The following ATP11B variants were observed in gnomAD, a reference collection of about 807,000 sequenced individuals.
The protein encoded by ATP11B is ATPase phospholipid transporting 11B (putative).
ATP11B carries 81 observed loss-of-function variants against 157.8 expected under a neutral mutation model. The ratio of observed to expected loss-of-function variants is 0.51; its 90% CI spans 0.43 to 0.62. ATP11B has a LOEUF of 0.62. ATP11B is among the 20% of genes least tolerant of loss of function. The pLI, the probability that ATP11B is intolerant of heterozygous loss-of-function variation, is 0.00. For synonymous variants in ATP11B, 451 were observed against 469.4 expected (o/e 0.96, Z 0.51); for missense variants, 1,165 against 1,402.2 (o/e 0.83, Z 2.70).
intron 21 of ATP11B, among the ~76,000 whole-genome samples, chr3:182,882,747 A>G (rs1184491518): frequency 1.3e-5 from 2 of 152,220 alleles, no homozygotes; most frequent in African/African-American, 4.8e-5. Context: ...TTTTAAAAAC[A>G]AAGGACAAAC....
In ATP11B at chr3:182,918,061, G is replaced by C; in HGVS notation, c.3491G>C (p.Arg1164Thr). Residue 1164 changes from arginine to threonine, a missense_variant, in exon 30 of 30, where the codon AGG becomes ACG. By Grantham distance (71) the Arg-to-Thr change is moderately conservative. Coordinates refer to ENST00000323116, the MANE Select transcript of ATP11B (RefSeq NM_014616.3). Reference sequence around the variant, plus strand: ...TCGGATCCTTTCTATACCAACGACAGGAGCATCTTGACTCTCTCCACAATG... The same window carrying C: ...TCGGATCCTTTCTATACCAACGACACGAGCATCTTGACTCTCTCCACAATG... ...SASDPFYTND[R>T]SILTLSTMDS... 3 of 1,613,260 alleles carry C rather than the reference G, an allele frequency of 1.9e-6. No homozygotes were observed. Among genetic ancestry groups the C allele is most frequent in the Non-Finnish European group, 2.5e-6 (3 of 1,179,476 alleles).
chr3:182,797,513 G>C (rs1291005409), intron 1 of ATP11B, among the ~76,000 whole-genome samples: 1 of 152,114 alleles, frequency 6.6e-6, no homozygotes, highest in Non-Finnish European at 1.5e-5. Context: ...TTCGAGACCA[G>C]CCTGGCCAAC....
At chr3:182,912,316 G>T (rs1259330211) in intron 28 of ATP11B, among the ~76,000 whole-genome samples, 1 of 152,074 alleles carries the variant, frequency 6.6e-6, no homozygotes, top group Non-Finnish European at 1.5e-5. Context: ...GAAAATGAGT[G>T]GAGAATTATG....
intron 4 of ATP11B, among the ~76,000 whole-genome samples, chr3:182,834,622 T>A (rs1352681176): frequency 6.6e-6 from 1 of 152,250 alleles, no homozygotes; most frequent in Non-Finnish European, 1.5e-5. Flanking sequence ...ATCTCTGAGT[T>A]CTTGAATTTT....
chr3:182,844,415 C>A, intron 8 of ATP11B: 1 of 287,690 alleles, frequency 3.5e-6, no homozygotes, highest in Non-Finnish European at 5.2e-6. Context: ...ATGCATATTT[C>A]AGAAAACTAT....
At chr3:182,808,645 G>T (rs1048893590) in intron 1 of ATP11B, among the ~76,000 whole-genome samples, 5 of 152,070 alleles carry the variant, frequency 3.3e-5, no homozygotes, top group African/African-American at 1.2e-4. Context: ...ATGGCAAAAT[G>T]AGAAAAATGA....
chr3:182,814,447 C>T (rs1189065995), intron 1 of ATP11B, among the ~76,000 whole-genome samples: 1 of 152,062 alleles, frequency 6.6e-6, no homozygotes, highest in Non-Finnish European at 1.5e-5. Flanking sequence ...GAATTTAATC[C>T]ATTGAGTAAA....
intron 7 of ATP11B, among the ~76,000 whole-genome samples, chr3:182,840,679 TCTC>T (rs1377040010): frequency 6.6e-6 from 1 of 152,064 alleles, no homozygotes; most frequent in East Asian, 1.9e-4. Context: ...ACTCCTCACA[TCTC>T]CTCTCCCTTC....
Position 182,829,546 on chromosome 3 carries a change from A to G in ATP11B, c.235-126A>G. ...GTCTTCCAACCCCACATAATAGCCA[A>G]CAAAGTGAAGTTGTGAAATCGTGAA... On this transcript the variant is annotated intron_variant, in intron 3 of 29. Transcript: ENST00000323116. 4.3e-6 allele frequency: 3 copies of G among 699,464 alleles called. 1 individual carries two copies. Among genetic ancestry groups the G allele is most frequent in the Non-Finnish European group, 7.2e-6 (3 of 414,962 alleles). 43.3% of individuals were successfully genotyped at this position (699,464 alleles called of 1,614,324 possible).
At chr3:182,835,607 G>A (rs1318556136) in intron 4 of ATP11B, among the ~76,000 whole-genome samples, 1 of 152,058 alleles carries the variant, frequency 6.6e-6, no homozygotes, top group Non-Finnish European at 1.5e-5. Context: ...TCAAAATTGA[G>A]ATATTAATAA....
At chr3:182,903,242 A>G (rs964980178) in intron 28 of ATP11B, among the ~76,000 whole-genome samples, 1 of 152,188 alleles carries the variant, frequency 6.6e-6, no homozygotes, top group Non-Finnish European at 1.5e-5. Context: ...GGGGAAAAGT[A>G]ATATAAGTTA....
intron 25 of ATP11B, among the ~76,000 whole-genome samples, chr3:182,893,288 G>A (rs1723297155): frequency 6.6e-6 from 1 of 151,648 alleles, no homozygotes; most frequent in Non-Finnish European, 1.5e-5. Flanking sequence ...AGATTTTGGT[G>A]CACCCAAGCA....
intron 1 of ATP11B, among the ~76,000 whole-genome samples, chr3:182,799,634 T>C (rs991727407): frequency 5.9e-5 from 9 of 152,184 alleles, no homozygotes; most frequent in Non-Finnish European, 1.2e-4. Flanking sequence ...TTACTAGAAA[T>C]GTGCATTTTT....
chr3:182,914,214 C>G (rs1158079024), intron 29 of ATP11B: 1 of 1,334,996 alleles, frequency 7.5e-7, no homozygotes, highest in East Asian at 3.1e-5. Flanking sequence ...TTTGAAGAGA[C>G]TTCATCTAAT....
intron 18 of ATP11B, among the ~76,000 whole-genome samples, chr3:182,873,545 T>C (rs1244412556): frequency 6.6e-6 from 1 of 152,228 alleles, no homozygotes; most frequent in Non-Finnish European, 1.5e-5. Context: ...TTTCATCCTA[T>C]GAATAGCAAC....
At chr3:182,796,197 G>T (rs1715586586) in intron 1 of ATP11B, among the ~76,000 whole-genome samples, 1 of 152,124 alleles carries the variant, frequency 6.6e-6, no homozygotes, top group Admixed American at 6.6e-5. Context: ...AAAAAGATTG[G>T]AATATCCTTT....
In ATP11B at chr3:182,920,578, A is replaced by C. The variant is rs563942007; in HGVS notation, c.*2474A>C. 5 of 152,364 alleles carry C rather than the reference A, an allele frequency of 3.3e-5. No individual in the cohort carries two copies. The highest frequency in any genetic ancestry group is 3.3e-4 in the Admixed American group (5 of 15,308). 9.4% of individuals were successfully genotyped at this position (152,364 alleles called of 1,614,324 possible). The stretch of plus-strand genomic sequence containing the variant: ...TGCCAAAACCAGAGCAAAATGCTAA[A>C]TACGTTATTGCTAATCAGTGGTCTC... On this transcript the variant is annotated 3_prime_UTR_variant, in exon 30 of 30. Coordinates refer to ENST00000323116, the MANE Select transcript of ATP11B (RefSeq NM_014616.3).
chr3:182,869,042 G>A (rs1278020179), intron 15 of ATP11B, 36 bp from the exon 16 acceptor site: 11 of 1,420,730 alleles, frequency 7.7e-6, no homozygotes, highest in African/African-American at 1.5e-5. Flanking sequence ...TTTAAAAAAA[G>A]TAAAGTTTTT....
chr3:182,871,390 C>A (rs1721645958), intron 17 of ATP11B, among the ~76,000 whole-genome samples: 1 of 152,200 alleles, frequency 6.6e-6, no homozygotes, highest in South Asian at 2.1e-4. Context: ...ATTTAGATAT[C>A]AACTTTCAGA....
Sources: allele counts gnomAD v4.1 joint callset (sites outside exome capture counted in the v4.1 genomes callset), GRCh38; gene constraint gnomAD v4.1.1; transcripts MANE v1.5; gene names NCBI Gene and HGNC (gene_info 2026-07-23, HGNC 2026-07-21).